Variants in PATJ observed in about 807,000 individuals in gnomAD.
PATJ encodes the protein inaD-like protein.
A neutral mutation model predicts 224.9 loss-of-function variants in PATJ; 190 were observed. The observed-to-expected ratio is 0.84, with a 90% CI of 0.75 to 0.95. The LOEUF is 0.95. PATJ is among the 40% of genes least tolerant of loss of function. PATJ has a pLI of 0.00. For synonymous variants in PATJ, 769 were observed against 820.3 expected (o/e 0.94, Z 1.07); for missense variants, 2,121 against 2,270.3 (o/e 0.93, Z 1.34).
chr1:61,797,342 G>A lies in PATJ; in HGVS notation c.1316G>A (p.Arg439Gln), dbSNP rs554320651. 26 of 1,613,976 alleles carry A rather than the reference G, an allele frequency of 1.6e-5. No individual in the cohort carries two copies. The highest frequency in any genetic ancestry group is 6.7e-5 in the East Asian group (3 of 44,878). ...FANHDVVEVL[R>Q]NAGQVVHLTL... Reference sequence around the variant, plus strand: ...AACCATGATGTTGTTGAAGTATTACGAAATGCAGGGCAGGTGGTACACCTA... The same window carrying A: ...AACCATGATGTTGTTGAAGTATTACAAAATGCAGGGCAGGTGGTACACCTA... Residue 439 changes from arginine to glutamine, a missense_variant, in exon 11 of 44, where the codon CGA becomes CAA. Coordinates refer to ENST00000642238, the MANE Select transcript of PATJ (RefSeq NM_001350145.3).
At chr1:61,987,601 C>T (rs917130327) in intron 27 of PATJ, among the ~76,000 whole-genome samples, 1 of 152,128 alleles carries the variant, frequency 6.6e-6, no homozygotes, top group Non-Finnish European at 1.5e-5. Context: ...ACCCCCCATC[C>T]CTGGGGGACT....
chr1:61,981,491 A>G (rs59829581), intron 27 of PATJ, among the ~76,000 whole-genome samples: 9,619 of 152,044 alleles, frequency 0.063, 781 homozygotes, highest in East Asian at 0.39. Flanking sequence ...AGAGAAAAGC[A>G]TAACAAATTT....
At chr1:61,816,267 T>C (rs1656086803) in intron 14 of PATJ, among the ~76,000 whole-genome samples, 1 of 152,166 alleles carries the variant, frequency 6.6e-6, no homozygotes, top group South Asian at 2.1e-4. Flanking sequence ...TTAAATATAT[T>C]TTCTCCTATA....
rs1558203936 is a variant in PATJ at position 62,125,257 on chromosome 1, AAAAAAAC to A, written c.5043+2206_5043+2212del. 6.4e-3 allele frequency among the ~76,000 whole-genome samples: 711 copies of A among 111,606 alleles called. 97 individuals are homozygous for A. Among genetic ancestry groups the A allele is most frequent in the African/African-American group, 0.022 (652 of 29,312 alleles). The allele number at this position is 111,606 out of a possible 152,430, so 73.2% of individuals were successfully genotyped here. A position where few individuals can be genotyped will look rare whatever the true frequency, so the allele number is the denominator to read the frequency against. On this transcript the variant is annotated intron_variant, in intron 39 of 43. Coordinates refer to ENST00000642238, the MANE Select transcript of PATJ (RefSeq NM_001350145.3). Reference sequence around the variant, plus strand: ...GTCTCAAAAAAAAAAAAAAAAACAAAAAAAAACAAAAAAAAAACGCCATTAGCTCTAT... The same window carrying A: ...GTCTCAAAAAAAAAAAAAAAAACAAAAAAAAAAAAACGCCATTAGCTCTAT...
At chr1:62,159,520 A>G (rs1485239018) in intron 43 of PATJ, among the ~76,000 whole-genome samples, 1 of 147,036 alleles carries the variant, frequency 6.8e-6, no homozygotes, top group Non-Finnish European at 1.5e-5. Flanking sequence ...TTTAGTTTTG[A>G]TATTTTGCCC....
intron 28 of PATJ, among the ~76,000 whole-genome samples, chr1:62,014,385 A>G (rs1646641146): frequency 6.6e-6 from 1 of 151,926 alleles, no homozygotes; most frequent in Admixed American, 6.6e-5. Flanking sequence ...GATTTAAAGT[A>G]CCTTGTTTGT....
intron 17 of PATJ, among the ~76,000 whole-genome samples, chr1:61,849,087 CAT>C (rs562470458): frequency 6.6e-6 from 1 of 152,236 alleles, no homozygotes; most frequent in Non-Finnish European, 1.5e-5. Context: ...TCTGTAGTGA[CAT>C]GTGGTACAGC....
intron 26 of PATJ, among the ~76,000 whole-genome samples, chr1:61,917,721 G>T (rs754679067): frequency 6.6e-6 from 1 of 152,032 alleles, no homozygotes; most frequent in Non-Finnish European, 1.5e-5. Flanking sequence ...ATCGGTAGGA[G>T]CATGTGTTCT....
At chr1:61,996,741 C>CTTTTTTTTTT (rs56215259) in intron 28 of PATJ, among the ~76,000 whole-genome samples, 12 of 97,732 alleles carry the variant, frequency 1.2e-4, no homozygotes, top group Admixed American at 1.2e-4. Context: ...CTTTTCTTTT[C>CTTTTTTTTTT]TTTTTTTTTT....
rs1343310764 is a variant in PATJ at position 61,976,649 on chromosome 1, C to T, written c.3671-13519C>T. Among the ~76,000 whole-genome samples, 3 of 151,894 alleles carry T rather than the reference C, an allele frequency of 2.0e-5. No individual in the cohort carries two copies. In the East Asian group the frequency reaches 5.8e-4, roughly 29 times the overall value. On this transcript the variant is annotated intron_variant, in intron 27 of 43. Coordinates refer to ENST00000642238, the MANE Select transcript of PATJ (RefSeq NM_001350145.3). ...TCTCGAGCTTCTGACCTCAGGTAAT[C>T]CACCCACCTCAGCCTCCCAAAGTGC... is the stretch of plus-strand genomic sequence containing the variant.
intron 31 of PATJ, among the ~76,000 whole-genome samples, chr1:62,068,597 T>C (rs1234432720): frequency 1.3e-5 from 2 of 152,206 alleles, no homozygotes; most frequent in African/African-American, 4.8e-5. Flanking sequence ...TTGGACCAGT[T>C]ACTGTGGCCA....
intron 9 of PATJ, among the ~76,000 whole-genome samples, chr1:61,793,942 G>A (rs1650460191): frequency 1.5e-5 from 2 of 129,054 alleles, no homozygotes. Flanking sequence ...CGCTCTTGTT[G>A]CCCAGGCTGG....
chr1:62,160,216 G>A (rs1669713315), intron 43 of PATJ, among the ~76,000 whole-genome samples: 1 of 152,032 alleles, frequency 6.6e-6, no homozygotes, highest in Non-Finnish European at 1.5e-5. Context: ...CAGCTTTAGA[G>A]TGAAAAAACC....
At chr1:62,070,905 A>T (rs1032164379) in intron 31 of PATJ, among the ~76,000 whole-genome samples, 4 of 152,262 alleles carry the variant, frequency 2.6e-5, no homozygotes, top group African/African-American at 9.6e-5. Context: ...GGAATTAAGG[A>T]CATAGGATGA....
chr1:62,074,371 A>C lies in PATJ; in HGVS notation c.4126-5079A>C, dbSNP rs191948424. The stretch of plus-strand genomic sequence containing the variant: ...TTAAAGTATAATAATAATAAAATTA[A>C]AAAAAAAATAGATACAGAATGAACC... On this transcript the variant is annotated intron_variant, in intron 31 of 43. Coordinates refer to ENST00000642238, the MANE Select transcript of PATJ (RefSeq NM_001350145.3). Among the ~76,000 whole-genome samples, 983 of 149,826 alleles carry C rather than the reference A, an allele frequency of 6.6e-3. 30 individuals are homozygous for C. Among genetic ancestry groups the C allele is most frequent in the Admixed American group, 0.046 (701 of 15,124 alleles).
At chr1:62,158,593 C>A (rs1417006473) in intron 43 of PATJ, among the ~76,000 whole-genome samples, 2 of 147,784 alleles carry the variant, frequency 1.4e-5, no homozygotes, top group African/African-American at 4.9e-5. Context: ...TGGTGGCGGG[C>A]GCCTGTAGTC....
chr1:62,048,059 A>T (rs529485710), intron 30 of PATJ, among the ~76,000 whole-genome samples: 24 of 152,194 alleles, frequency 1.6e-4, no homozygotes, highest in Non-Finnish European at 3.1e-4. Context: ...TGAATCTTAG[A>T]TCTACCTTTT....
At chr1:62,098,545 A>G (rs962553229) in intron 33 of PATJ, among the ~76,000 whole-genome samples, 3 of 152,016 alleles carry the variant, frequency 2.0e-5, no homozygotes, top group Admixed American at 2.0e-4. Flanking sequence ...CAGTGAGCCA[A>G]GATTGTGCCA....
intron 17 of PATJ, among the ~76,000 whole-genome samples, chr1:61,837,199 AATGTT>A (rs539016115): frequency 2.0e-3 from 308 of 152,326 alleles, no homozygotes; most frequent in Non-Finnish European, 3.1e-3. Flanking sequence ...GGAAATAGGA[AATGTT>A]ATGTTATTAT....
Sources: gnomAD v4.1 joint callset for allele counts (sites outside exome capture counted in the v4.1 genomes callset) on GRCh38, gnomAD v4.1.1 for gene constraint, MANE v1.5 for transcripts, NCBI Gene and HGNC (gene_info 2026-07-23, HGNC 2026-07-21) for gene names.